Variants in BRCA1 observed in about 807,000 individuals in gnomAD.
BRCA1 encodes BRCA1 DNA repair associated, also known as breast cancer type 1 susceptibility protein.
Under a neutral mutation model 173.7 loss-of-function variants are expected in BRCA1, and 140 were observed. That is an observed-to-expected ratio of 0.81 (90% confidence interval 0.70 to 0.93). The LOEUF (loss-of-function observed/expected upper bound fraction) is 0.93, where lower values mean the gene tolerates loss of function less well. Among genes scored for constraint, BRCA1 ranks in the 40% least tolerant of loss-of-function variants. The pLI, the probability that BRCA1 is intolerant of heterozygous loss-of-function variation, is 0.00. For missense variants in BRCA1, 1,983 were observed against 2,172.5 expected (o/e 0.91, Z 1.73); for synonymous variants, 662 against 756.0 (o/e 0.88, Z 2.04).
At position 43,059,351 on chromosome 17, in the gene BRCA1, C is replaced by A. The variant is rs142638930; in HGVS notation, c.5194-2216G>T. On this transcript the variant is annotated intron_variant, in intron 18 of 22. Transcript: ENST00000357654. ...TTGTGGCAGGTGCCTGTAATCCCAG[C>A]TACTCGGGAGGCTGAGGCAGGAAAA... 6.6e-6 allele frequency among the ~76,000 whole-genome samples: 1 copy of A among 152,230 alleles called. No individual in the cohort carries two copies. The highest frequency in any genetic ancestry group is 2.4e-5 in the African/African-American group (1 of 41,560).
Position 43,044,786 on chromosome 17 carries a change from T to C in BRCA1, c.*892A>G, listed in dbSNP as rs1337749300. 1 of 463,716 alleles carries C rather than the reference T, an allele frequency of 2.2e-6. No homozygotes were observed. The highest frequency in any genetic ancestry group is 2.9e-5 in the Admixed American group (1 of 34,436). 28.7% of individuals were successfully genotyped at this position (463,716 alleles called of 1,614,324 possible). A position where few individuals can be genotyped will look rare whatever the true frequency, so the allele number is the denominator to read the frequency against. On this transcript the variant is annotated 3_prime_UTR_variant, in exon 23 of 23. Transcript: ENST00000357654. ...AATATATCTCAGACTTTTAGAAATC[T>C]CTTCTAGTTTCATTTTCCTTTTTTT...
intron 15 of BRCA1, among the ~76,000 whole-genome samples, chr17:43,069,830 A>G (rs907526384): frequency 6.6e-6 from 1 of 152,196 alleles, no homozygotes; most frequent in African/African-American, 2.4e-5. Context: ...TTTCAGAATG[A>G]CTTGGTCATC....
In BRCA1 at chr17:43,092,701, A is replaced by T. The variant is rs1064795603; in HGVS notation, c.2830T>A (p.Cys944Ser). ...AACCTAGAGCCTCCTTTGATACTAC[A>T]TTTGGCATTATCAACTGGCTTATCT... ...QKDKPVDNAK[C>S]SIKGGSRFCL... is the part of the protein sequence containing the mutation. Residue 944 changes from cysteine to serine, a missense_variant, in exon 10 of 23, where the codon TGT becomes AGT. Transcript: ENST00000357654. The T allele has an allele frequency of 1.2e-6, 2 of 1,614,142 alleles. No homozygotes were observed. The highest frequency in any genetic ancestry group is 1.7e-6 in the Non-Finnish European group (2 of 1,180,000).
intron 18 of BRCA1, 61 bp from the exon 19 acceptor site, chr17:43,057,196 G>C: frequency 6.5e-7 from 1 of 1,526,882 alleles, no homozygotes; most frequent in Admixed American, 1.7e-5. Context: ...TTCAATGGAA[G>C]TGGAGCAGAC....
At chr17:43,106,151 T>C (rs2054752320) in intron 4 of BRCA1, among the ~76,000 whole-genome samples, 1 of 145,604 alleles carries the variant, frequency 6.9e-6, no homozygotes, top group African/African-American at 2.5e-5. Flanking sequence ...GGAAACACAA[T>C]CAAAAATATA....
Position 43,100,561 on chromosome 17 carries a change from T to TATATATATAAC in BRCA1, c.442-682_442-681insGTTATATATAT, listed in dbSNP as rs2054347851. Among the ~76,000 whole-genome samples, 3 of 39,170 alleles carry TATATATATAAC rather than the reference T, an allele frequency of 7.7e-5. 1 individual carries two copies. The highest frequency in any genetic ancestry group is 4.9e-5 in the Non-Finnish European group (1 of 20,332). 25.7% of individuals were successfully genotyped at this position (39,170 alleles called of 152,430 possible). Reference sequence around the variant, plus strand: ...ACATATATATGTGTGTGTGTGTGTATATATATATATAACATATATATAACA... The same window carrying TATATATATAAC: ...ACATATATATGTGTGTGTGTGTGTATATATATATAACATATATATATAACATATATATAACA... On this transcript the variant is annotated intron_variant, in intron 6 of 22. Coordinates refer to ENST00000357654, the MANE Select transcript of BRCA1 (RefSeq NM_007294.4).
intron 19 of BRCA1, among the ~76,000 whole-genome samples, chr17:43,055,345 T>C (rs2051414506): frequency 6.6e-6 from 1 of 152,214 alleles, no homozygotes; most frequent in Non-Finnish European, 1.5e-5. Context: ...ATAGTATTGT[T>C]GTTAAGAGTT....
intron 6 of BRCA1, among the ~76,000 whole-genome samples, chr17:43,100,388 C>T (rs1055085595): frequency 6.7e-6 from 1 of 148,770 alleles, no homozygotes; most frequent in African/African-American, 2.5e-5. Flanking sequence ...GTCACCCAGG[C>T]TGGAGTGCAG....
At chr17:43,058,779 T>C (rs2051620225) in intron 18 of BRCA1, among the ~76,000 whole-genome samples, 1 of 152,158 alleles carries the variant, frequency 6.6e-6, no homozygotes. Flanking sequence ...ACCAAAATGA[T>C]AAAATATACA....
At chr17:43,064,978 C>T (rs1251755481) in intron 16 of BRCA1, among the ~76,000 whole-genome samples, 1 of 151,738 alleles carries the variant, frequency 6.6e-6, no homozygotes, top group Non-Finnish European at 1.5e-5. Flanking sequence ...CTACAGATGC[C>T]CGCCACCATG....
In BRCA1 at chr17:43,131,878, G is replaced by A. The variant is rs2055969475; in HGVS notation, c.-19-7763C>T. Among the ~76,000 whole-genome samples the A allele has an allele frequency of 2.0e-5, 3 of 152,166 alleles. No individual in the cohort carries two copies. The South Asian group carries it at 6.2e-4, about 32-fold the overall frequency. On this transcript the variant is annotated intron_variant, in intron 1 of 7. Coordinates refer to the BRCA1 transcript ENST00000634433. Reference sequence around the variant, plus strand: ...AGCTCACTGCAACCTCTGCTTCCTGGGTTGAAGCGATTCTTGTGCCTCAGC... The same window carrying A: ...AGCTCACTGCAACCTCTGCTTCCTGAGTTGAAGCGATTCTTGTGCCTCAGC...
chr17:43,100,686 T>TAACATATATATATATATATATA (rs1567807839), intron 6 of BRCA1, among the ~76,000 whole-genome samples: 2,299 of 17,332 alleles, frequency 0.13, 498 homozygotes, highest in African/African-American at 0.24. Context: ...ATAATATATA[T>TAACATATATATATATATATATA]ATATATATAT....
At chr17:43,061,740 G>A (rs1464471598) in intron 18 of BRCA1, among the ~76,000 whole-genome samples, 1 of 151,934 alleles carries the variant, frequency 6.6e-6, no homozygotes. Flanking sequence ...ATGCCACCAC[G>A]CTCGACTAAT....
chr17:43,076,686 T>C (rs2154076105), intron 12 of BRCA1, 72 bp from the exon 13 acceptor site: 2 of 1,571,832 alleles, frequency 1.3e-6, no homozygotes, highest in Non-Finnish European at 8.7e-7. Flanking sequence ...GTTAGAATAC[T>C]GATTTTTTTC....
Position 43,063,930 on chromosome 17 carries a change from C to T in BRCA1, c.5096G>A (p.Arg1699Gln), listed in dbSNP as rs41293459. 1.9e-5 allele frequency: 30 copies of T among 1,613,816 alleles called. No individual in the cohort carries two copies. The highest frequency in any genetic ancestry group is 6.7e-5 in the East Asian group (3 of 44,856). ...AATTCCTAGAAAATATTTCAGTGTC[C>T]GTTCACACACAAACTCAGCATCTGC... ...MKTDAEFVCE[R>Q]TLKYFLGIAG... is the part of the protein sequence containing the mutation. The change falls in exon 17 of 23, where the codon CGG becomes CAG. Residue 1699 changes from arginine (R) to glutamine (Q), a missense_variant. By Grantham distance (43) the Arg-to-Gln change is conservative (BLOSUM62 1). Coordinates refer to ENST00000357654, the MANE Select transcript of BRCA1 (RefSeq NM_007294.4).
At chr17:43,047,420 T>C (rs1332723788) in intron 22 of BRCA1, among the ~76,000 whole-genome samples, 2 of 152,100 alleles carry the variant, frequency 1.3e-5, no homozygotes, top group African/African-American at 4.8e-5. Flanking sequence ...GTTTTTGTGA[T>C]GAACATTCAT....
intron 3 of BRCA1, among the ~76,000 whole-genome samples, chr17:43,115,248 A>G (rs974681856): frequency 2.0e-5 from 3 of 152,222 alleles, no homozygotes; most frequent in Non-Finnish European, 4.4e-5. Context: ...TCACGCCTGT[A>G]ATCCCAGAAC....
chr17:43,070,754 G>C (rs1597829903), intron 15 of BRCA1, among the ~76,000 whole-genome samples, 174 bp downstream of exon 15: 1 of 152,170 alleles, frequency 6.6e-6, no homozygotes, highest in Admixed American at 6.5e-5. Flanking sequence ...CCACACTATA[G>C]CTTTATCTAG....
At chr17:43,167,755 C>G (rs1444728156) in intron 1 of BRCA1, 1 of 152,578 alleles carries the variant, frequency 6.6e-6, no homozygotes, top group Non-Finnish European at 1.5e-5. Context: ...CCTGCCTCGG[C>G]CCCCCAGAGT....
Sources: gnomAD v4.1 joint callset for allele counts (sites outside exome capture counted in the v4.1 genomes callset) on GRCh38, gnomAD v4.1.1 for gene constraint, MANE v1.5 for transcripts, NCBI Gene and HGNC (gene_info 2026-07-23, HGNC 2026-07-21) for gene names.